CACNA1C: variants seen among roughly 807,000 people sequenced by gnomAD.
CACNA1C encodes the protein calcium voltage-gated channel subunit alpha1 C.
Under a neutral mutation model 229.0 loss-of-function variants are expected in CACNA1C, and 30 were observed. That is an observed-to-expected ratio of 0.13 (90% CI 0.10 to 0.18). CACNA1C has a LOEUF of 0.18. CACNA1C is among the 10% of genes least tolerant of loss of function. CACNA1C has a pLI of 1.00. For synonymous variants in CACNA1C, 1,114 were observed against 1,132.5 expected, an observed-to-expected ratio of 0.98 and a Z score of 0.33; for missense variants, 1,658 against 2,845.0, an observed-to-expected ratio of 0.58 and a Z score of 9.49.
intron 1 of CACNA1C, among the ~76,000 whole-genome samples, chr12:2,028,396 T>C (rs1052037624): frequency 1.3e-5 from 2 of 152,222 alleles, no homozygotes; most frequent in African/African-American, 4.8e-5. Context: ...CTTCTCATTT[T>C]ATAGAGGAGG....
chr12:2,286,285 G>A (rs143861067), intron 3 of CACNA1C, among the ~76,000 whole-genome samples: 19 of 152,344 alleles, frequency 1.2e-4, no homozygotes. Flanking sequence ...CATTAAAAGG[G>A]AGTAGGAAGC....
intron 3 of CACNA1C, among the ~76,000 whole-genome samples, chr12:2,389,666 GC>G (rs1304754599): frequency 3.9e-5 from 6 of 152,114 alleles, no homozygotes; most frequent in Non-Finnish European, 7.3e-5. Context: ...AGACTCCATT[GC>G]CTCCTAATTG....
intron 3 of CACNA1C, among the ~76,000 whole-genome samples, chr12:2,424,171 T>C (rs1318200386): frequency 6.6e-6 from 1 of 152,206 alleles, no homozygotes; most frequent in Non-Finnish European, 1.5e-5. Context: ...TGTTTTTCCA[T>C]CTTCAGTGGG....
intron 3 of CACNA1C, among the ~76,000 whole-genome samples, chr12:2,250,949 C>T (rs141106582): frequency 1.8e-4 from 27 of 152,308 alleles, no homozygotes; most frequent in African/African-American, 6.3e-4. Context: ...CCATCCCATC[C>T]ACCCTGGTGA....
At chr12:2,149,963 G>T (rs967494863) in intron 3 of CACNA1C, among the ~76,000 whole-genome samples, 1 of 152,194 alleles carries the variant, frequency 6.6e-6, no homozygotes. Flanking sequence ...AGGATGAGGA[G>T]CCAGGTTATG....
chr12:2,570,453 A>G (rs1056188039), intron 13 of CACNA1C, among the ~76,000 whole-genome samples: 4 of 152,154 alleles, frequency 2.6e-5, no homozygotes, highest in African/African-American at 4.8e-5. Context: ...GTGCACAGAA[A>G]GGACTCAATA....
intron 3 of CACNA1C, among the ~76,000 whole-genome samples, chr12:2,414,606 T>A (rs16929368): frequency 0.35 from 52,705 of 151,966 alleles, 9,486 homozygotes; most frequent in Admixed American, 0.48. Context: ...CTGAGATTTT[T>A]AAAAAATGAA....
At chr12:2,370,120 T>C (rs570246861) in intron 3 of CACNA1C, among the ~76,000 whole-genome samples, 1 of 152,350 alleles carries the variant, frequency 6.6e-6, no homozygotes, top group African/African-American at 2.4e-5. Context: ...TTTTGATTTT[T>C]AAAATCAGCC....
chr12:2,487,703 TC>T (rs1004790155), intron 6 of CACNA1C, among the ~76,000 whole-genome samples: 1 of 152,086 alleles, frequency 6.6e-6, no homozygotes, highest in African/African-American at 2.4e-5. Context: ...AAAAATGGAA[TC>T]CTTGTTAAGT....
At chr12:2,569,388 A>G (rs1273380635) in intron 13 of CACNA1C, among the ~76,000 whole-genome samples, 1 of 152,202 alleles carries the variant, frequency 6.6e-6, no homozygotes, top group African/African-American at 2.4e-5. Context: ...TGGTTATGCA[A>G]CCATCACCAT....
intron 1 of CACNA1C, among the ~76,000 whole-genome samples, chr12:2,057,266 T>G (rs1209729449): frequency 6.6e-6 from 1 of 152,202 alleles, no homozygotes; most frequent in Non-Finnish European, 1.5e-5. Context: ...GATCCCTGCT[T>G]CCTAGTACAG....
rs1156859645 is a variant in CACNA1C at position 2,054,590 on chromosome 12, C to A, written c.49+979C>A. On this transcript the variant is annotated intron_variant, in intron 1 of 46. Transcript: ENST00000399655. The surrounding 1 kb of genome is among the most constrained non-coding windows in gnomAD (Gnocchi z 5.5). ...CCTCACCGCTCTCCCCCCATATTAA[C>A]AAGTTGTTTTCTTGGACGTTGCTTA... 6.6e-6 allele frequency among the ~76,000 whole-genome samples: 1 copy of A among 152,178 alleles called. No individual in the cohort carries two copies. The highest frequency in any genetic ancestry group is 1.9e-4 in the East Asian group (1 of 5,184).
At chr12:2,078,847 CT>C (rs1183467409) in intron 1 of CACNA1C, among the ~76,000 whole-genome samples, 2 of 151,884 alleles carry the variant, frequency 1.3e-5, no homozygotes, top group African/African-American at 4.8e-5. Context: ...TATTGCGGCA[CT>C]ATTCACAATA....
intron 3 of CACNA1C, among the ~76,000 whole-genome samples, chr12:2,124,238 A>C (rs890977123): frequency 6.6e-6 from 1 of 152,094 alleles, no homozygotes; most frequent in African/African-American, 2.4e-5. Context: ...CAAATAGTGA[A>C]AGGTCTTATA....
intron 1 of CACNA1C, among the ~76,000 whole-genome samples, chr12:2,073,195 T>TAA (rs898769004): frequency 6.6e-6 from 1 of 152,108 alleles, no homozygotes; most frequent in African/African-American, 2.4e-5. Context: ...ACCAAGTGTT[T>TAA]AAAAAAACGT....
At chr12:2,026,628 CTTTT>C (rs1212643978) in intron 1 of CACNA1C, among the ~76,000 whole-genome samples, 1 of 152,150 alleles carries the variant, frequency 6.6e-6, no homozygotes, top group Non-Finnish European at 1.5e-5. Context: ...AAGGCAATGT[CTTTT>C]TTTATTCAAT....
rs1291364651 is a variant in CACNA1C, at chr12:2,034,158, A to G, written c.139+62957A>G. Among the ~76,000 whole-genome samples the G allele has an allele frequency of 6.6e-6, 1 of 152,184 alleles. No individual in the cohort carries two copies. Among genetic ancestry groups the G allele is most frequent in the East Asian group, 1.9e-4 (1 of 5,198 alleles). On this transcript the variant is annotated intron_variant, in intron 1 of 46. Transcript: ENST00000682462. The surrounding 1 kb of genome is among the most constrained non-coding windows in gnomAD (Gnocchi z 4.1). ...CCATGAGGTGGATATCTTTATTCCT[A>G]TTATACAGATGATGAAACTGAGGCT... is the stretch of plus-strand genomic sequence containing the variant.
In CACNA1C at chr12:2,108,114, T is replaced by C. The variant is rs991948009; in HGVS notation, c.50-7110T>C. On this transcript the variant is annotated intron_variant, in intron 1 of 46. Coordinates refer to ENST00000399655, the MANE Select transcript of CACNA1C (RefSeq NM_000719.7). The surrounding 1 kb of genome is among the most constrained non-coding windows in gnomAD (Gnocchi z 5.3). ...TAGAGCATTTCTATTACTGTAAATG[T>C]TGTATTGGACAGTGTTGCTATAGAC... is the stretch of plus-strand genomic sequence containing the variant. Among the ~76,000 whole-genome samples, 10 of 152,210 alleles carry C rather than the reference T, an allele frequency of 6.6e-5. No homozygotes were observed. The highest frequency in any genetic ancestry group is 1.9e-4 in the African/African-American group (8 of 41,450).
At chr12:2,402,208 T>G (rs1277663140) in intron 3 of CACNA1C, among the ~76,000 whole-genome samples, 2 of 152,278 alleles carry the variant, frequency 1.3e-5, no homozygotes, top group Non-Finnish European at 1.5e-5. Context: ...CTGACCTTTT[T>G]GACTGTTTAT....
Sources: gnomAD v4.1 joint callset for allele counts (sites outside exome capture counted in the v4.1 genomes callset) on GRCh38, gnomAD v4.1.1 for gene constraint, Gnocchi (gnomAD v3.1) non-coding constraint, MANE v1.5 for transcripts, NCBI Gene and HGNC (gene_info 2026-07-23, HGNC 2026-07-21) for gene names.